FGF12: variants seen among roughly 807,000 people sequenced by gnomAD.
The protein encoded by FGF12 is fibroblast growth factor 12.
In FGF12, 14 loss-of-function variants were observed where a neutral mutation model predicts 23.6. The observed-to-expected ratio is 0.59, with a 90% CI of 0.39 to 0.93. The LOEUF (loss-of-function observed/expected upper bound fraction) is 0.93, where lower values mean the gene tolerates loss of function less well. FGF12 is among the 40% of genes least tolerant of loss of function. The pLI, the probability that FGF12 is intolerant of heterozygous loss-of-function variation, is 0.00. For synonymous variants in FGF12, 62 were observed against 77.3 expected (o/e 0.80, Z 1.04); for missense variants, 175 against 217.8 (o/e 0.80, Z 1.24).
chr3:192,616,615 T>C (rs1164569023), intron 2 of FGF12, among the ~76,000 whole-genome samples: 1 of 151,968 alleles, frequency 6.6e-6, no homozygotes, highest in Non-Finnish European at 1.5e-5. Context: ...AAAAGTAATA[T>C]GGGCAGTGAT....
At chr3:192,389,413 T>G (rs1720198178) in intron 2 of FGF12, among the ~76,000 whole-genome samples, 1 of 152,194 alleles carries the variant, frequency 6.6e-6, no homozygotes. Flanking sequence ...TGGGACAATC[T>G]AGATCAAACA....
intron 4 of FGF12, among the ~76,000 whole-genome samples, chr3:192,273,423 T>A (rs1713573281): frequency 1.3e-5 from 2 of 152,074 alleles, no homozygotes; most frequent in African/African-American, 4.8e-5. Context: ...GGGCTGAAGC[T>A]GGGTTATGGG....
chr3:192,285,165 T>G (rs964162020), intron 4 of FGF12, among the ~76,000 whole-genome samples: 4 of 152,078 alleles, frequency 2.6e-5, no homozygotes, highest in African/African-American at 9.7e-5. Context: ...ATAAATCATG[T>G]TCTGCCAGTT....
At chr3:192,148,512 T>C (rs1262352448) in intron 5 of FGF12, among the ~76,000 whole-genome samples, 1 of 152,208 alleles carries the variant, frequency 6.6e-6, no homozygotes, top group African/African-American at 2.4e-5. Context: ...GAAAAAGTTC[T>C]GGAGTTGGAT....
At chr3:192,372,390 A>ATC (rs1045625984) in intron 2 of FGF12, among the ~76,000 whole-genome samples, 3 of 97,678 alleles carry the variant, frequency 3.1e-5, no homozygotes, top group Non-Finnish European at 5.2e-5. Context: ...TTTTCATACC[A>ATC]TCACACACAC....
intron 2 of FGF12, among the ~76,000 whole-genome samples, chr3:192,472,374 C>A (rs906931670): frequency 2.0e-5 from 3 of 152,126 alleles, no homozygotes; most frequent in Non-Finnish European, 4.4e-5. Context: ...GGTCAGGCCT[C>A]TCCGGTCATC....
intron 2 of FGF12, among the ~76,000 whole-genome samples, chr3:192,692,145 T>C (rs1717961652): frequency 6.6e-6 from 1 of 152,028 alleles, no homozygotes; most frequent in Non-Finnish European, 1.5e-5. Flanking sequence ...GTAGAGAAAA[T>C]ACATACAAAC....
chr3:192,479,938 C>A (rs1263450861), intron 2 of FGF12, among the ~76,000 whole-genome samples: 1 of 151,138 alleles, frequency 6.6e-6, no homozygotes, highest in Non-Finnish European at 1.5e-5. Context: ...GGGTTTGTGG[C>A]ACAGATATGG....
At chr3:192,411,753 A>G (rs543804069) in intron 2 of FGF12, among the ~76,000 whole-genome samples, 2 of 152,358 alleles carry the variant, frequency 1.3e-5, no homozygotes, top group East Asian at 3.9e-4. Flanking sequence ...CCACACAGAC[A>G]AAGGTCAGCT....
chr3:192,380,443 C>G (rs565094733), intron 2 of FGF12, among the ~76,000 whole-genome samples: 1 of 152,254 alleles, frequency 6.6e-6, no homozygotes, highest in South Asian at 2.1e-4. Context: ...GAAAACATAA[C>G]AAACCACATT....
At chr3:192,331,402 G>A (rs1196508972) in intron 4 of FGF12, among the ~76,000 whole-genome samples, 1 of 150,828 alleles carries the variant, frequency 6.6e-6, no homozygotes, top group Non-Finnish European at 1.5e-5. Context: ...GTTCATTGCA[G>A]CAGTAATCTC....
At chr3:192,499,447 G>T (rs1273686434) in intron 2 of FGF12, among the ~76,000 whole-genome samples, 2 of 127,110 alleles carry the variant, frequency 1.6e-5, no homozygotes, top group Non-Finnish European at 3.1e-5. Context: ...TTATTAATCT[G>T]CCAACTAAAA....
intron 2 of FGF12, among the ~76,000 whole-genome samples, chr3:192,512,283 A>G (rs1724501248): frequency 1.3e-5 from 2 of 152,152 alleles, no homozygotes; most frequent in South Asian, 4.1e-4. Context: ...CTCAATTTGC[A>G]TATGCACACT....
chr3:192,477,695 A>G (rs767651875), intron 2 of FGF12, among the ~76,000 whole-genome samples: 23 of 152,178 alleles, frequency 1.5e-4, no homozygotes, highest in Non-Finnish European at 1.5e-4. Flanking sequence ...TTGATTGGTA[A>G]TTTGATCTGG....
intron 4 of FGF12, among the ~76,000 whole-genome samples, chr3:192,184,187 G>C (rs768107547): frequency 6.6e-6 from 1 of 152,134 alleles, no homozygotes; most frequent in Non-Finnish European, 1.5e-5. Context: ...TTTTGCCACT[G>C]TATGCCAGCC....
chr3:192,392,276 A>G (rs1215695459), intron 2 of FGF12, among the ~76,000 whole-genome samples: 1 of 152,100 alleles, frequency 6.6e-6, no homozygotes, highest in Non-Finnish European at 1.5e-5. Flanking sequence ...TCAAGTAGAA[A>G]GCTGAACTAA....
Position 192,616,198 on chromosome 3 carries a change from A to C in FGF12, c.13+110983T>G, listed in dbSNP as rs73887646. ...ATTGGAATCATTGGCAAAGAAAAGA[A>C]AGTGTGCCACATTGTCACAGCCTCA... is the stretch of plus-strand genomic sequence containing the variant. On this transcript the variant is annotated intron_variant, in intron 2 of 5. Coordinates refer to ENST00000445105, the MANE Select transcript of FGF12 (RefSeq NM_004113.6). 5.3e-3 allele frequency among the ~76,000 whole-genome samples: 805 copies of C among 152,168 alleles called. 5 individuals are homozygous for C. Among genetic ancestry groups the C allele is most frequent in the African/African-American group, 0.019 (782 of 41,556 alleles).
intron 2 of FGF12, among the ~76,000 whole-genome samples, chr3:192,483,236 T>C (rs1263530577): frequency 1.3e-5 from 2 of 152,168 alleles, no homozygotes; most frequent in Non-Finnish European, 2.9e-5. Context: ...TTATTACTAT[T>C]TACAATTTTT....
chr3:192,439,396 T>A (rs562433919), intron 2 of FGF12, among the ~76,000 whole-genome samples: 5 of 152,330 alleles, frequency 3.3e-5, no homozygotes, highest in Admixed American at 3.3e-4. Flanking sequence ...CTTTTCTCCA[T>A]GTAATGCAAC....
Sources: gnomAD v4.1 joint callset for allele counts (sites outside exome capture counted in the v4.1 genomes callset) on GRCh38, gnomAD v4.1.1 for gene constraint, MANE v1.5 for transcripts, NCBI Gene and HGNC (gene_info 2026-07-23, HGNC 2026-07-21) for gene names.